Variants in IFIT1B observed in about 807,000 individuals in gnomAD.
IFIT1B encodes the protein protein IFIT1 homolog B.
Under a neutral mutation model 2.5 loss-of-function variants are expected in IFIT1B, and 3 were observed. The ratio of observed to expected loss-of-function variants is 1.21; its 90% CI spans 0.55 to 3.14. The LOEUF is 3.14. Among genes scored for constraint, IFIT1B ranks in the 30% most tolerant of loss-of-function variants. The probability of loss-of-function intolerance (pLI) is 0.03; values close to 1 mark genes in which losing one functional copy is unlikely to be tolerated. For missense variants in IFIT1B, 545 were observed against 556.5 expected (o/e 0.98, Z 0.21); for synonymous variants, 196 against 203.0 (o/e 0.97, Z 0.29).
rs1844135736 is a variant in IFIT1B, at chr10:89,378,109, C to G, written c.-27C>G. 4 of 1,613,520 alleles carry G rather than the reference C, an allele frequency of 2.5e-6. No individual in the cohort carries two copies. Among genetic ancestry groups the G allele is most frequent in the Non-Finnish European group, 3.4e-6 (4 of 1,179,546 alleles). On this transcript the variant is annotated 5_prime_UTR_variant, in exon 1 of 2. It introduces an in-frame stop codon into an upstream open reading frame of the 5' UTR. Transcript: ENST00000371809. Reference sequence around the variant, plus strand: ...CCTCCAAGCCTGAACCAAAGCACTACAGATCACCTGCTATCTTCATAGCAC... The same window carrying G: ...CCTCCAAGCCTGAACCAAAGCACTAGAGATCACCTGCTATCTTCATAGCAC...
In IFIT1B at chr10:89,384,695, A is replaced by G; in HGVS notation, c.1382A>G (p.Glu461Gly). Residue 461 changes from glutamate (E) to glycine (G), a missense_variant, in exon 2 of 2, where the codon GAG (glutamate) becomes GGG (glycine). Glu to Gly is a moderately conservative substitution (Grantham distance 98, BLOSUM62 -2). Coordinates refer to ENST00000371809, the MANE Select transcript of IFIT1B (RefSeq NM_001010987.2). ...GEVSDALLCY[E>G]RALRLAADLN... ...GTAAGTGATGCTTTGCTGTGCTATG[A>G]GAGGGCTCTGAGGCTGGCTGCTGAC... The G allele has an allele frequency of 6.2e-7, 1 of 1,614,152 alleles. No homozygotes were observed. The highest frequency in any genetic ancestry group is 8.5e-7 in the Non-Finnish European group (1 of 1,179,986).
chr10:89,383,976 T>A lies in IFIT1B; in HGVS notation c.663T>A (p.Val221=). The part of the protein sequence containing the change: ...RLNPDDVYIR[V]LLALKLQDEG... Reference sequence around the variant, plus strand: ...ATCCAGATGATGTATATATTAGGGTTCTCCTTGCCCTGAAGCTTCAGGATG... The same window carrying A: ...ATCCAGATGATGTATATATTAGGGTACTCCTTGCCCTGAAGCTTCAGGATG... The change falls in exon 2 of 2, where the codon GTT becomes GTA. Residue 221 remains valine (V), a synonymous_variant. Coordinates refer to ENST00000371809, the MANE Select transcript of IFIT1B (RefSeq NM_001010987.2). 6.2e-7 allele frequency: 1 copy of A among 1,614,140 alleles called. No homozygotes were observed. Among genetic ancestry groups the A allele is most frequent in the Non-Finnish European group, 8.5e-7 (1 of 1,180,012 alleles).
At position 89,383,856 on chromosome 10, in the gene IFIT1B, C is replaced by T. The variant is rs746271112; in HGVS notation, c.543C>T (p.Tyr181=). The T allele has an allele frequency of 1.1e-5, 17 of 1,614,052 alleles. No individual in the cohort carries two copies. Among genetic ancestry groups the T allele is most frequent in the South Asian group, 5.5e-5 (5 of 91,092 alleles). Residue 181 remains tyrosine, a synonymous_variant, in exon 2 of 2, where the codon TAC becomes TAT. Transcript: ENST00000371809. ...NPENPEFNTG[Y]AITVYRLDKF... is the part of the protein sequence containing the mutation. ...AAAACCCTGAATTCAATACTGGGTA[C>T]GCAATCACCGTCTATCGCCTGGATA...
At chr10:89,381,796 A>AT (rs1436489046) in intron 1 of IFIT1B, among the ~76,000 whole-genome samples, 1 of 150,344 alleles carries the variant, frequency 6.7e-6, no homozygotes, top group African/African-American at 2.4e-5. Context: ...TTTATTATTA[A>AT]TTTTTTTGAG....
intron 1 of IFIT1B, among the ~76,000 whole-genome samples, chr10:89,382,634 T>G (rs1844171268): frequency 6.6e-6 from 1 of 152,198 alleles, no homozygotes; most frequent in Admixed American, 6.5e-5. Flanking sequence ...AAGAGACACA[T>G]CTTACCTATG....
rs1844193652 is a variant in IFIT1B at position 89,384,792 on chromosome 10, T to C, written c.*54T>C. On this transcript the variant is annotated 3_prime_UTR_variant, in exon 2 of 2. Transcript: ENST00000371809. ...GTCTTATAACTAAATAGAATGACTATGAAATTAAATAATGCAAACTTAAAG... is the reference window on the plus strand; with the variant it reads ...GTCTTATAACTAAATAGAATGACTACGAAATTAAATAATGCAAACTTAAAG... 1 of 1,385,420 alleles carries C rather than the reference T, an allele frequency of 7.2e-7. No individual in the cohort carries two copies. Among genetic ancestry groups the C allele is most frequent in the Non-Finnish European group, 9.9e-7 (1 of 1,010,916 alleles). 85.8% of individuals were successfully genotyped at this position (1,385,420 alleles called of 1,614,324 possible).
chr10:89,379,583 G>C (rs1844145917), intron 1 of IFIT1B, among the ~76,000 whole-genome samples: 1 of 152,186 alleles, frequency 6.6e-6, no homozygotes, highest in Non-Finnish European at 1.5e-5. Context: ...AGTGGGAGAG[G>C]AAGAACTTTA....
At chr10:89,380,913 C>G (rs1356631741) in intron 1 of IFIT1B, among the ~76,000 whole-genome samples, 1 of 152,146 alleles carries the variant, frequency 6.6e-6, no homozygotes. Context: ...GATGAACAAC[C>G]ACCTATAAGA....
chr10:89,384,821 T>C lies in IFIT1B; in HGVS notation c.*83T>C, dbSNP rs1318582835. The C allele has an allele frequency of 4.7e-6, 6 of 1,264,782 alleles. No individual in the cohort carries two copies. The highest frequency in any genetic ancestry group is 6.6e-6 in the Non-Finnish European group (6 of 908,942). 78.3% of individuals were successfully genotyped at this position (1,264,782 alleles called of 1,614,324 possible). ...ATTAAATAATGCAAACTTAAAGCTG[T>C]TGGAAATTTACCTTATTTTGAGCCT... is the stretch of plus-strand genomic sequence containing the variant. On this transcript the variant is annotated 3_prime_UTR_variant, in exon 2 of 2. Transcript: ENST00000371809.
chr10:89,382,134 A>T (rs1259713971), intron 1 of IFIT1B, among the ~76,000 whole-genome samples: 3 of 152,078 alleles, frequency 2.0e-5, no homozygotes, highest in Non-Finnish European at 4.4e-5. Flanking sequence ...TTGTGATTAG[A>T]TTATGGTTAT....
At chr10:89,381,630 T>A (rs1252666860) in intron 1 of IFIT1B, among the ~76,000 whole-genome samples, 2 of 152,126 alleles carry the variant, frequency 1.3e-5, no homozygotes, top group African/African-American at 4.8e-5. Context: ...GTTTTTTAGA[T>A]GGAGACTCTG....
At chr10:89,380,743 G>A (rs1474456081) in intron 1 of IFIT1B, among the ~76,000 whole-genome samples, 1 of 152,140 alleles carries the variant, frequency 6.6e-6, no homozygotes, top group Non-Finnish European at 1.5e-5. Context: ...CTAATTTGAT[G>A]ATAATATGTA....
Position 89,384,234 on chromosome 10 carries a change from C to T in IFIT1B, c.921C>T (p.Asn307=). ...AQMIQIKEAT[N]WQPRGQDRET... ...TGATCCAAATCAAGGAAGCTACAAA[C>T]TGGCAGCCTAGAGGGCAAGATAGGG... is the stretch of plus-strand genomic sequence containing the variant. Residue 307 remains asparagine (N), a synonymous_variant, in exon 2 of 2, where the codon AAC becomes AAT. Transcript: ENST00000371809. 1 of 1,614,170 alleles carries T rather than the reference C, an allele frequency of 6.2e-7. No homozygotes were observed. Among genetic ancestry groups the T allele is most frequent in the Non-Finnish European group, 8.5e-7 (1 of 1,180,024 alleles).
Position 89,384,568 on chromosome 10 carries a change from CT to C in IFIT1B, c.1256del (p.Leu419ProfsTer4), listed in dbSNP as rs1230493468. ...EKMSHSREKL[L>X]NALEKLAKRC... Reference sequence around the variant, plus strand: ...AATGTCCCATTCCAGGGAAAAACTTCTCAATGCTTTAGAGAAATTGGCTAAA... The same window carrying C: ...AATGTCCCATTCCAGGGAAAAACTTCCAATGCTTTAGAGAAATTGGCTAAA... On this transcript the variant is annotated frameshift_variant, in exon 2 of 2. Coordinates refer to ENST00000371809, the MANE Select transcript of IFIT1B (RefSeq NM_001010987.2). LOFTEE classifies it low-confidence loss of function (END_TRUNC). 2.5e-6 allele frequency: 4 copies of C among 1,614,166 alleles called. No homozygotes were observed. The East Asian group carries it at 8.9e-5, about 36-fold the overall frequency.
chr10:89,381,614 T>C (rs894472719), intron 1 of IFIT1B, among the ~76,000 whole-genome samples: 1 of 152,032 alleles, frequency 6.6e-6, no homozygotes, highest in East Asian at 1.9e-4. Flanking sequence ...CTAAGCATAG[T>C]AGGGAGTTTT....
Position 89,385,080 on chromosome 10 carries a change from A to T in IFIT1B, c.*342A>T. 5.2e-6 allele frequency: 1 copy of T among 193,432 alleles called. No individual in the cohort carries two copies. The highest frequency in any genetic ancestry group is 1.1e-5 in the Non-Finnish European group (1 of 93,806). The allele number at this position is 193,432 out of a possible 1,614,324, so 12.0% of individuals were successfully genotyped here. On this transcript the variant is annotated 3_prime_UTR_variant, in exon 2 of 2. Coordinates refer to ENST00000371809, the MANE Select transcript of IFIT1B (RefSeq NM_001010987.2). ...TGTGGAAAATGCTGCAACCCTGTTT[A>T]CTGCCTATGTAAGTGAAATCTTAAC...
In IFIT1B at chr10:89,380,051, A is replaced by C. The variant is rs764193066; in HGVS notation, c.5+1911A>C. On this transcript the variant is annotated intron_variant, in intron 1 of 1. Coordinates refer to ENST00000371809, the MANE Select transcript of IFIT1B (RefSeq NM_001010987.2). ...CTCCGTCTCAAAAAAAAAAAAAAAC[A>C]AAAGGTATTAGTTGTGTCTGCATCT... 5.0e-3 allele frequency among the ~76,000 whole-genome samples: 763 copies of C among 151,566 alleles called. 11 individuals are homozygous for C. The highest frequency in any genetic ancestry group is 0.016 in the African/African-American group (647 of 41,188).
Position 89,384,550 on chromosome 10 carries a change from C to T in IFIT1B, c.1237C>T (p.His413Tyr), listed in dbSNP as rs1322360273. The T allele has an allele frequency of 6.2e-7, 1 of 1,614,032 alleles. No homozygotes were observed. The highest frequency in any genetic ancestry group is 2.2e-5 in the East Asian group (1 of 44,890). Residue 413 changes from histidine to tyrosine, a missense_variant, in exon 2 of 2, where the codon CAT becomes TAT. Transcript: ENST00000371809. ...LKGLKIEKMS[H>Y]SREKLLNALE... ...AGGTTTGAAAATAGAAAAAATGTCC[C>T]ATTCCAGGGAAAAACTTCTCAATGC...
chr10:89,384,069 T>C lies in IFIT1B; in HGVS notation c.756T>C (p.Tyr252=), dbSNP rs948404442. The C allele has an allele frequency of 1.2e-6, 2 of 1,614,216 alleles. No homozygotes were observed. Among genetic ancestry groups the C allele is most frequent in the Non-Finnish European group, 1.7e-6 (2 of 1,180,038 alleles). The part of the protein sequence containing the change: ...EALTSISSQA[Y]VFQYAAKFYR... ...TGACCAGTATATCTTCACAGGCCTA[T>C]GTCTTTCAATATGCAGCCAAGTTTT... The change falls in exon 2 of 2, where the codon TAT becomes TAC. Residue 252 remains tyrosine, a synonymous_variant. Transcript: ENST00000371809.
Sources: gnomAD v4.1 joint callset for allele counts (sites outside exome capture counted in the v4.1 genomes callset) on GRCh38, gnomAD v4.1.1 for gene constraint, MANE v1.5 for transcripts, NCBI Gene and HGNC (gene_info 2026-07-23, HGNC 2026-07-21) for gene names.